FANCC: variants seen among roughly 807,000 people sequenced by gnomAD.
FANCC encodes the protein FA complementation group C, also known as Fanconi anemia group C protein.
Under a neutral mutation model 71.3 loss-of-function variants are expected in FANCC, and 55 were observed. The ratio of observed to expected loss-of-function variants is 0.77; its 90% CI spans 0.62 to 0.97. FANCC has a LOEUF of 0.97. Among genes scored for constraint, FANCC ranks in the 50% least tolerant of loss-of-function variants. The probability of loss-of-function intolerance (pLI) is 0.00; values close to 1 mark genes in which losing one functional copy is unlikely to be tolerated. For missense variants in FANCC, 678 were observed against 670.9 expected, an observed-to-expected ratio of 1.01 and a Z score of -0.12; for synonymous variants, 275 against 244.9, an observed-to-expected ratio of 1.12 and a Z score of -1.15.
chr9:95,289,983 C>CCT (rs1335643161), intron 1 of FANCC, among the ~76,000 whole-genome samples: 1 of 152,166 alleles, frequency 6.6e-6, no homozygotes, highest in East Asian at 1.9e-4. Context: ...AGAAATCAGA[C>CCT]ATGCCTGAGG....
At chr9:95,304,168 C>G (rs1477371919) in intron 1 of FANCC, among the ~76,000 whole-genome samples, 1 of 152,168 alleles carries the variant, frequency 6.6e-6, no homozygotes, top group Non-Finnish European at 1.5e-5. Context: ...AGAAATAATT[C>G]ATCTCCCACA....
At chr9:95,155,895 T>TG (rs1244381200) in intron 6 of FANCC, among the ~76,000 whole-genome samples, 6 of 149,922 alleles carry the variant, frequency 4.0e-5, no homozygotes, top group African/African-American at 1.2e-4. Flanking sequence ...TTTTTGGGTT[T>TG]TTTTTTTTTT....
chr9:95,292,457 G>A (rs1284992922), intron 1 of FANCC: 1 of 1,246,084 alleles, frequency 8.0e-7, no homozygotes, highest in Non-Finnish European at 1.0e-6. Flanking sequence ...GGGTGCCCCC[G>A]GGACCCCGAC....
intron 1 of FANCC, among the ~76,000 whole-genome samples, chr9:95,253,381 C>A (rs1041008779): frequency 2.6e-5 from 4 of 152,172 alleles, no homozygotes; most frequent in Admixed American, 2.6e-4. Flanking sequence ...CAAAGGCTCT[C>A]TTAATCTAGA....
At chr9:95,282,383 G>A (rs1226045737) in intron 1 of FANCC, among the ~76,000 whole-genome samples, 1 of 152,112 alleles carries the variant, frequency 6.6e-6, no homozygotes, top group Non-Finnish European at 1.5e-5. Context: ...TAGGTGCTCT[G>A]ATGTTGGGTA....
intron 13 of FANCC, chr9:95,109,621 G>C (rs1051449546): frequency 6.6e-6 from 1 of 152,186 alleles, no homozygotes; most frequent in Non-Finnish European, 1.5e-5. Context: ...CCTTCTCACA[G>C]GCAGGACACA....
At chr9:95,209,669 T>C (rs1564754640) in intron 4 of FANCC, among the ~76,000 whole-genome samples, 1 of 152,226 alleles carries the variant, frequency 6.6e-6, no homozygotes, top group Non-Finnish European at 1.5e-5. Flanking sequence ...GGGAGTCTCC[T>C]TGATGTTCTT....
chr9:95,213,742 A>G (rs1828660874), intron 4 of FANCC, among the ~76,000 whole-genome samples: 1 of 152,208 alleles, frequency 6.6e-6, no homozygotes. Context: ...ATGACAACAG[A>G]TTTGGCAATG....
intron 10 of FANCC, among the ~76,000 whole-genome samples, chr9:95,122,700 G>A (rs1315574610): frequency 6.6e-6 from 1 of 152,148 alleles, no homozygotes; most frequent in Non-Finnish European, 1.5e-5. Context: ...AAGCTAAGAA[G>A]AAAAAGAGGC....
chr9:95,152,106 G>A (rs1330393524), intron 6 of FANCC, among the ~76,000 whole-genome samples: 2 of 152,138 alleles, frequency 1.3e-5, no homozygotes, highest in East Asian at 3.9e-4. Flanking sequence ...GATAACTTGT[G>A]AGACAGTAAT....
At chr9:95,154,639 C>A (rs545974107) in intron 6 of FANCC, among the ~76,000 whole-genome samples, 3 of 152,018 alleles carry the variant, frequency 2.0e-5, no homozygotes, top group African/African-American at 7.3e-5. Context: ...TAAAGCACAG[C>A]GAAATGTGAA....
At chr9:95,171,268 T>C in intron 5 of FANCC, 125 bp from the exon 6 acceptor site, 2 of 746,318 alleles carry the variant, frequency 2.7e-6, no homozygotes, top group Non-Finnish European at 4.8e-6. Context: ...CATGTTTCAC[T>C]CTGTCAGAGT....
At chr9:95,212,553 T>C (rs1828571603) in intron 4 of FANCC, among the ~76,000 whole-genome samples, 1 of 150,950 alleles carries the variant, frequency 6.6e-6, no homozygotes, top group African/African-American at 2.4e-5. Flanking sequence ...AAACCAAAGC[T>C]GAGAAAATTT....
chr9:95,141,545 T>C (rs1828691834), intron 7 of FANCC, among the ~76,000 whole-genome samples: 1 of 152,184 alleles, frequency 6.6e-6, no homozygotes, highest in South Asian at 2.1e-4. Flanking sequence ...CCCAACATCT[T>C]GATTGTAGGT....
chr9:95,204,234 G>A (rs186638960), intron 4 of FANCC, among the ~76,000 whole-genome samples: 2 of 152,204 alleles, frequency 1.3e-5, no homozygotes, highest in Admixed American at 6.5e-5. Context: ...ACAATACATA[G>A]AACATTTAGT....
intron 6 of FANCC, among the ~76,000 whole-genome samples, chr9:95,156,732 A>G (rs1275877678): frequency 6.6e-6 from 1 of 152,286 alleles, no homozygotes; most frequent in East Asian, 1.9e-4. Flanking sequence ...GTATTCTTCT[A>G]TCTCAAGTAG....
At chr9:95,294,435 G>A in intron 1 of FANCC, 2 of 1,604,642 alleles carry the variant, frequency 1.2e-6, no homozygotes, top group South Asian at 2.2e-5. Context: ...GCCTTGAGAT[G>A]TTTGACAGAC....
intron 1 of FANCC, among the ~76,000 whole-genome samples, chr9:95,290,930 C>T (rs956754461): frequency 6.6e-6 from 1 of 152,116 alleles, no homozygotes. Flanking sequence ...CAACATACGC[C>T]AATCTATGAA....
rs56161090 is a variant in FANCC, at chr9:95,099,812, A to G, written c.*1895T>C. 782 of 232,456 alleles carry G rather than the reference A, an allele frequency of 3.4e-3. 3 individuals carry two copies. The highest frequency in any genetic ancestry group is 0.016 in the African/African-American group (732 of 45,412). The allele number at this position is 232,456 out of a possible 1,614,324, so 14.4% of individuals were successfully genotyped here. A position where few individuals can be genotyped will look rare whatever the true frequency, so the allele number is the denominator to read the frequency against. ...GAGATTCTGCAGATGGGCCGAGGTCAGGGCTTCCAGGCTAGGAAGAAGTCT... is the reference window on the plus strand; with the variant it reads ...GAGATTCTGCAGATGGGCCGAGGTCGGGGCTTCCAGGCTAGGAAGAAGTCT... On this transcript the variant is annotated 3_prime_UTR_variant, in exon 15 of 15. Transcript: ENST00000289081.
Sources: gnomAD v4.1 joint callset for allele counts (sites outside exome capture counted in the v4.1 genomes callset) on GRCh38, gnomAD v4.1.1 for gene constraint, MANE v1.5 for transcripts, NCBI Gene and HGNC (gene_info 2026-07-23, HGNC 2026-07-21) for gene names.